The following FILIP1L variants were observed in gnomAD, a reference collection of about 807,000 sequenced individuals.
FILIP1L encodes filamin A interacting protein 1 like, also known as filamin A-interacting protein 1-like.
A neutral mutation model predicts 96.6 loss-of-function variants in FILIP1L; 55 were observed. The ratio of observed to expected loss-of-function variants is 0.57; its 90% CI spans 0.46 to 0.71. The LOEUF (loss-of-function observed/expected upper bound fraction) is 0.71, where lower values mean the gene tolerates loss of function less well. Among genes scored for constraint, FILIP1L ranks in the 30% least tolerant of loss-of-function variants. FILIP1L has a pLI of 0.00. For synonymous variants in FILIP1L, 467 were observed against 473.9 expected (o/e 0.99, Z 0.19); for missense variants, 1,304 against 1,321.2 (o/e 0.99, Z 0.20).
At chr3:100,010,288 T>C (rs7619512) in intron 1 of FILIP1L, 109,650 of 217,002 alleles carry the variant, frequency 0.51, 27,859 homozygotes, top group East Asian at 0.7. Flanking sequence ...GTGTTCTGCA[T>C]GGAAGGAAAA....
chr3:100,034,089 A>C (rs2065066288), intron 1 of FILIP1L, among the ~76,000 whole-genome samples: 1 of 152,230 alleles, frequency 6.6e-6, no homozygotes, highest in Non-Finnish European at 1.5e-5. Context: ...ACACTTAAGA[A>C]AAGAAGTAAT....
chr3:100,055,809 A>G (rs2065454432), intron 1 of FILIP1L, among the ~76,000 whole-genome samples: 3 of 152,208 alleles, frequency 2.0e-5, no homozygotes, highest in Admixed American at 2.0e-4. Flanking sequence ...TTAATATTGT[A>G]CACATTCTTT....
intron 4 of FILIP1L, among the ~76,000 whole-genome samples, chr3:99,860,661 A>AT (rs528039034): frequency 1.1e-4 from 17 of 152,184 alleles, no homozygotes; most frequent in Non-Finnish European, 2.4e-4. Context: ...GACACTGTCC[A>AT]TGCTGCTATG....
intron 3 of FILIP1L, among the ~76,000 whole-genome samples, chr3:99,928,611 C>T (rs1236824913): frequency 6.6e-6 from 1 of 152,064 alleles, no homozygotes; most frequent in Non-Finnish European, 1.5e-5. Flanking sequence ...AATTTTTTCC[C>T]ACCGATTTCA....
chr3:100,103,873 C>T (rs887957227), intron 1 of FILIP1L, among the ~76,000 whole-genome samples: 1 of 152,176 alleles, frequency 6.6e-6, no homozygotes, highest in African/African-American at 2.4e-5. Context: ...TATCAATGAA[C>T]AGCTGATATT....
At chr3:99,975,314 G>C (rs1042009082) in intron 1 of FILIP1L, among the ~76,000 whole-genome samples, 13 of 152,186 alleles carry the variant, frequency 8.5e-5, no homozygotes, top group African/African-American at 3.1e-4. Context: ...CAATGACCAG[G>C]AGAGACACAG....
chr3:99,937,775 C>T (rs1707725481), intron 1 of FILIP1L, among the ~76,000 whole-genome samples: 1 of 152,146 alleles, frequency 6.6e-6, no homozygotes, highest in Non-Finnish European at 1.5e-5. Context: ...ATTTGCAAAC[C>T]ACTGGCTAGA....
chr3:99,994,228 A>C (rs964511935), intron 1 of FILIP1L, among the ~76,000 whole-genome samples: 1 of 152,122 alleles, frequency 6.6e-6, no homozygotes, highest in Non-Finnish European at 1.5e-5. Flanking sequence ...CAGCATTCAG[A>C]TCAGAAAACA....
At chr3:100,037,954 TTTGGGG>T (rs2065136043) in intron 1 of FILIP1L, among the ~76,000 whole-genome samples, 1 of 135,802 alleles carries the variant, frequency 7.4e-6, no homozygotes, top group African/African-American at 2.8e-5. Context: ...TTTTTTTTTT[TTTGGGG>T]GGGGAGGGAA....
At position 99,895,162 on chromosome 3, in the gene FILIP1L, T is replaced by TTA. The variant is rs55652715; in HGVS notation, c.605+29066_605+29067dup. Among the ~76,000 whole-genome samples, 1,275 of 151,714 alleles carry TTA rather than the reference T, an allele frequency of 8.4e-3. 21 individuals carry two copies. The highest frequency in any genetic ancestry group is 0.03 in the African/African-American group (1,232 of 41,434). ...CAGGTGTTCATAACCCAGAGAATGC[T>TTA]TATATATATATAGTGGCCAGGATGG... On this transcript the variant is annotated intron_variant, in intron 4 of 5. Transcript: ENST00000477258.
At chr3:99,841,917 G>T (rs1943150432) in intron 5 of FILIP1L, among the ~76,000 whole-genome samples, 1 of 152,196 alleles carries the variant, frequency 6.6e-6, no homozygotes, top group South Asian at 2.1e-4. Flanking sequence ...ATGGAAAACA[G>T]TGTGGAGATT....
intron 4 of FILIP1L, among the ~76,000 whole-genome samples, chr3:99,864,155 TAAC>T (rs1038850702): frequency 5.9e-5 from 9 of 152,220 alleles, no homozygotes; most frequent in African/African-American, 2.2e-4. Flanking sequence ...ATTTGACTTA[TAAC>T]AACAGCTTGA....
chr3:99,912,949 C>T, intron 4 of FILIP1L, among the ~76,000 whole-genome samples: 1 of 152,158 alleles, frequency 6.6e-6, no homozygotes, highest in Admixed American at 6.5e-5. Context: ...GAAATCATAA[C>T]TCCCAATGTG....
chr3:100,000,988 C>T (rs1171207772), intron 1 of FILIP1L, among the ~76,000 whole-genome samples: 2 of 152,162 alleles, frequency 1.3e-5, no homozygotes, highest in African/African-American at 4.8e-5. Flanking sequence ...AACCTAGTTA[C>T]TGGGTGATAG....
chr3:100,059,960 A>G (rs1328196682), intron 1 of FILIP1L, among the ~76,000 whole-genome samples: 8 of 151,342 alleles, frequency 5.3e-5, no homozygotes, highest in Admixed American at 1.3e-4. Context: ...TAAATCACAT[A>G]TGTATGAAAT....
rs566997706 is a variant in FILIP1L at position 99,848,867 on chromosome 3, G to A, written c.2809C>T (p.Pro937Ser). ...CTTTGCTTTGGCGTGCCACAGTTCGGTATCACTGCAGTACTCGTGTAAGAG... is the reference window on the plus strand; with the variant it reads ...CTTTGCTTTGGCGTGCCACAGTTCGATATCACTGCAGTACTCGTGTAAGAG... Reference protein sequence around the residue: ...PHSYTSTAVIPNCGTPKQRIT... With the variant: ...PHSYTSTAVISNCGTPKQRIT... Residue 937 changes from proline to serine, a missense_variant, in exon 5 of 6, where the codon CCG becomes TCG. Coordinates refer to ENST00000477258, the MANE Select transcript of FILIP1L (RefSeq NM_001387850.1). 6.2e-7 allele frequency: 1 copy of A among 1,614,092 alleles called. No individual in the cohort carries two copies. Among genetic ancestry groups the A allele is most frequent in the Non-Finnish European group, 8.5e-7 (1 of 1,180,020 alleles).
chr3:100,029,342 T>C (rs1461617943), intron 1 of FILIP1L, among the ~76,000 whole-genome samples: 1 of 152,106 alleles, frequency 6.6e-6, no homozygotes, highest in African/African-American at 2.4e-5. Flanking sequence ...TTGATTTTGA[T>C]TATGATAATT....
At position 99,930,945 on chromosome 3, in the gene FILIP1L, G is replaced by A. The variant is rs1166854183; in HGVS notation, c.76C>T (p.Gln26Ter). 1 of 1,613,400 alleles carries A rather than the reference G, an allele frequency of 6.2e-7. No homozygotes were observed. Among genetic ancestry groups the A allele is most frequent in the Non-Finnish European group, 8.5e-7 (1 of 1,179,898 alleles). ...CTATGCTTCATGTTTTTAGGCCCTT[G>A]GAAACTGTGGCCTTTAGTATGTCTT... Reference protein sequence around the residue: ...FPRHTKGHSFQGPKNMKHRQQ... With the variant: ...FPRHTKGHSF Residue 26 changes from glutamine to a stop codon, truncating the protein, a stop_gained, in exon 2 of 6, where the codon CAA becomes TAA. Transcript: ENST00000477258. LOFTEE classifies it high-confidence loss of function.
intron 1 of FILIP1L, among the ~76,000 whole-genome samples, chr3:100,021,958 TGTGAGAGAGAGAGAGA>T (rs1271164682): frequency 3.9e-4 from 37 of 94,928 alleles, no homozygotes; most frequent in Admixed American, 2.4e-3. Flanking sequence ...TGTGTGTGTG[TGTGAGAGAGAGAGAGA>T]GAGAGAGAGA....
Sources: gnomAD v4.1 joint callset for allele counts (sites outside exome capture counted in the v4.1 genomes callset) on GRCh38, gnomAD v4.1.1 for gene constraint, MANE v1.5 for transcripts, NCBI Gene and HGNC (gene_info 2026-07-23, HGNC 2026-07-21) for gene names.